EBI3: variants seen among roughly 807,000 people sequenced by gnomAD.
The protein encoded by EBI3 is interleukin-27 subunit beta.
A neutral mutation model predicts 21.3 loss-of-function variants in EBI3; 19 were observed. The ratio of observed to expected loss-of-function variants is 0.89; its 90% confidence interval spans 0.62 to 1.31. The LOEUF (loss-of-function observed/expected upper bound fraction) is 1.31. Among genes scored for constraint, EBI3 ranks in the 50% most tolerant of loss-of-function variants. EBI3 has a pLI of 0.00. For synonymous variants in EBI3, 154 were observed against 131.2 expected, an observed-to-expected ratio of 1.17 and a Z score of -1.19; for missense variants, 331 against 314.0, an observed-to-expected ratio of 1.05 and a Z score of -0.41.
chr19:4,231,349 AG>A, intron 2 of EBI3, 26 bp downstream of exon 2: 1 of 1,586,350 alleles, frequency 6.3e-7, no homozygotes, highest in Non-Finnish European at 8.5e-7. Context: ...AGGGGGCCTC[AG>A]GGACACTGGA....
intron 3 of EBI3, 128 bp from the exon 4 acceptor site, chr19:4,234,539 G>T (rs1970818862): frequency 4.2e-6 from 6 of 1,430,718 alleles, no homozygotes; most frequent in Non-Finnish European, 5.6e-6. Context: ...CTCCAGCCTG[G>T]GTGACAGAGT....
At position 4,237,105 on chromosome 19, in the gene EBI3, C is replaced by A; in HGVS notation, c.*17C>A. 6.7e-7 allele frequency: 1 copy of A among 1,489,626 alleles called. No individual in the cohort carries two copies. Among genetic ancestry groups the A allele is most frequent in the East Asian group, 2.6e-5 (1 of 38,956 alleles). The allele number at this position is 1,489,626 out of a possible 1,614,324, so 92.3% of individuals were successfully genotyped here. A position where few individuals can be genotyped will look rare whatever the true frequency, so the allele number is the denominator to read the frequency against. On this transcript the variant is annotated 3_prime_UTR_variant, in exon 5 of 5. Coordinates refer to ENST00000221847, the MANE Select transcript of EBI3 (RefSeq NM_005755.3). ...GGCAAGTAGCAAGGGCTTCCCGCTG[C>A]CTCCAGACAGCACCTGGGTCCTCGC...
chr19:4,231,770 CA>C (rs776262776), intron 2 of EBI3, among the ~76,000 whole-genome samples: 31,216 of 102,724 alleles, frequency 0.3, 3,842 homozygotes, highest in South Asian at 0.5. Context: ...GACTCCATCT[CA>C]AAAAAAAAAA....
intron 1 of EBI3, among the ~76,000 whole-genome samples, chr19:4,230,855 C>G (rs968244889): frequency 6.6e-6 from 1 of 151,336 alleles, no homozygotes; most frequent in Non-Finnish European, 1.5e-5. Context: ...CCAGCCTAGG[C>G]GACAGAGGGA....
At position 4,236,518 on chromosome 19, in the gene EBI3, C is replaced by CAAAAAAAAA. The variant is rs4009634; in HGVS notation, c.538-401_538-393dup. On this transcript the variant is annotated intron_variant, in intron 4 of 4. Coordinates refer to ENST00000221847, the MANE Select transcript of EBI3 (RefSeq NM_005755.3). Reference sequence around the variant, plus strand: ...CCTGGGCAACAGAGTAAGACTGTCTCAAAAAAAAAAAAAAAAAAAAAAAAA... The same window carrying CAAAAAAAAA: ...CCTGGGCAACAGAGTAAGACTGTCTCAAAAAAAAAAAAAAAAAAAAAAAAAAAAAAAAAA... Among the ~76,000 whole-genome samples the CAAAAAAAAA allele has an allele frequency of 5.0e-3, 151 of 30,504 alleles. 52 individuals are homozygous for CAAAAAAAAA. The highest frequency in any genetic ancestry group is 0.023 in the East Asian group (14 of 616). The allele number at this position is 30,504 out of a possible 152,430, so 20.0% of individuals were successfully genotyped here. A position where few individuals can be genotyped will look rare whatever the true frequency, so the allele number is the denominator to read the frequency against.
chr19:4,232,411 G>A (rs1393724274), intron 2 of EBI3, among the ~76,000 whole-genome samples: 1 of 149,570 alleles, frequency 6.7e-6, no homozygotes, highest in Non-Finnish European at 1.5e-5. Flanking sequence ...GCAATATCCT[G>A]TCTGTACTTA....
intron 1 of EBI3, 109 bp from the exon 2 acceptor site, chr19:4,231,082 C>T: frequency 7.2e-7 from 1 of 1,398,276 alleles, no homozygotes; most frequent in Non-Finnish European, 9.4e-7. Flanking sequence ...TTATTAGGCA[C>T]CTACCATGTA....
At position 4,237,118 on chromosome 19, in the gene EBI3, C is replaced by T. The variant is rs1484323195; in HGVS notation, c.*30C>T. The T allele has an allele frequency of 6.9e-7, 1 of 1,452,030 alleles. No individual in the cohort carries two copies. The highest frequency in any genetic ancestry group is 2.3e-5 in the Admixed American group (1 of 43,766). The allele number at this position is 1,452,030 out of a possible 1,614,324, so 89.9% of individuals were successfully genotyped here. Reference sequence around the variant, plus strand: ...GGCTTCCCGCTGCCTCCAGACAGCACCTGGGTCCTCGCCACCCTAAGCCCC... The same window carrying T: ...GGCTTCCCGCTGCCTCCAGACAGCATCTGGGTCCTCGCCACCCTAAGCCCC... On this transcript the variant is annotated 3_prime_UTR_variant, in exon 5 of 5. Transcript: ENST00000221847.
At chr19:4,233,985 A>G (rs1970814400) in intron 3 of EBI3, among the ~76,000 whole-genome samples, 1 of 152,000 alleles carries the variant, frequency 6.6e-6, no homozygotes, top group Non-Finnish European at 1.5e-5. Flanking sequence ...CAGGCCGATC[A>G]CCTGAGGTCA....
rs769376578 is a variant in EBI3 at position 4,237,031 on chromosome 19, C to T, written c.633C>T (p.Tyr211=). The part of the protein sequence containing the change: ...VQVAAQDLTD[Y]GELSDWSLPA... ...TGGCGGCTCAGGACCTCACAGACTA[C>T]GGGGAACTGAGTGACTGGAGTCTCC... is the stretch of plus-strand genomic sequence containing the variant. The change falls in exon 5 of 5, where the codon TAC becomes TAT. Residue 211 remains tyrosine (Y), a synonymous_variant. Coordinates refer to ENST00000221847, the MANE Select transcript of EBI3 (RefSeq NM_005755.3). 1.4e-5 allele frequency: 22 copies of T among 1,572,992 alleles called. No individual in the cohort carries two copies. The Admixed American group carries it at 1.6e-4, about 11-fold the overall frequency.
intron 4 of EBI3, among the ~76,000 whole-genome samples, chr19:4,236,562 G>A (rs1381518566): frequency 7.4e-6 from 1 of 134,238 alleles, no homozygotes; most frequent in East Asian, 2.4e-4. Flanking sequence ...AATATAGTGG[G>A]ACCAGGGGTA....
intron 1 of EBI3, among the ~76,000 whole-genome samples, chr19:4,230,911 G>A (rs77013010): frequency 0.056 from 8,448 of 151,820 alleles, 793 homozygotes; most frequent in African/African-American, 0.19. Flanking sequence ...GAGAGAACAC[G>A]GTAAAATCTC....
In EBI3 at chr19:4,234,707, C is replaced by G. The variant is rs529741207; in HGVS notation, c.420C>G (p.Leu140=). The change falls in exon 4 of 5, where the codon CTC becomes CTG. Residue 140 remains leucine, a synonymous_variant. Transcript: ENST00000221847. ...DPPEGVRLSP[L]AERQLQVQWE... ...CAGAAGGCGTGCGCCTAAGCCCCCT[C>G]GCTGAGCGCCAGCTACAGGTGCAGT... The G allele has an allele frequency of 1.9e-6, 3 of 1,614,028 alleles. No homozygotes were observed. Among genetic ancestry groups the G allele is most frequent in the Non-Finnish European group, 2.5e-6 (3 of 1,180,032 alleles).
intron 1 of EBI3, 119 bp downstream of exon 1, chr19:4,229,736 G>T: frequency 2.9e-6 from 3 of 1,038,698 alleles, no homozygotes; most frequent in Non-Finnish European, 4.2e-6. Context: ...GTGGGATGGG[G>T]TTACCCTCCC....
intron 1 of EBI3, 110 bp from the exon 2 acceptor site, chr19:4,231,081 A>C (rs1599486538): frequency 7.2e-7 from 1 of 1,393,010 alleles, no homozygotes; most frequent in South Asian, 1.7e-5. Flanking sequence ...TTTATTAGGC[A>C]CCTACCATGT....
At chr19:4,229,643 G>A (rs769972965) in intron 1 of EBI3, 26 bp downstream of exon 1, 7 of 1,588,736 alleles carry the variant, frequency 4.4e-6, no homozygotes, top group South Asian at 3.4e-5. Context: ...GGGGGACTGG[G>A]GGGCCCAGGC....
Position 4,233,020 on chromosome 19 carries a change from C to G in EBI3, c.201-109C>G, listed in dbSNP as rs1374474981. On this transcript the variant is annotated intron_variant, in intron 2 of 4. Transcript: ENST00000221847. ...CCCACCCCGGGATCCCCATCCGCTG[C>G]CCCCTCCTGTTCCTGCCTCTCCTTG... is the stretch of plus-strand genomic sequence containing the variant. The G allele has an allele frequency of 1.3e-5, 17 of 1,285,952 alleles. No individual in the cohort carries two copies. In the Admixed American group the frequency reaches 5.6e-4, roughly 43 times the overall value. 79.7% of individuals were successfully genotyped at this position (1,285,952 alleles called of 1,614,324 possible).
intron 2 of EBI3, among the ~76,000 whole-genome samples, 169 bp downstream of exon 2, chr19:4,231,492 A>G (rs1398856451): frequency 1.3e-5 from 2 of 152,142 alleles, no homozygotes; most frequent in Non-Finnish European, 2.9e-5. Flanking sequence ...TTTCTGGGCC[A>G]GGCACAGTGG....
Position 4,237,280 on chromosome 19 carries a change from G to A in EBI3, c.*192G>A, listed in dbSNP as rs1970849206. On this transcript the variant is annotated 3_prime_UTR_variant, in exon 5 of 5. Coordinates refer to ENST00000221847, the MANE Select transcript of EBI3 (RefSeq NM_005755.3). ...TCAGTTTCTCTAGCTGAGAAATGGA[G>A]ATGTACTACTCTCTCCTTTACCTTT... is the stretch of plus-strand genomic sequence containing the variant. 1 of 548,622 alleles carries A rather than the reference G, an allele frequency of 1.8e-6. No homozygotes were observed. Among genetic ancestry groups the A allele is most frequent in the South Asian group, 3.1e-5 (1 of 32,434 alleles). The allele number at this position is 548,622 out of a possible 1,614,324, so 34.0% of individuals were successfully genotyped here.
Sources: allele counts gnomAD v4.1 joint callset (sites outside exome capture counted in the v4.1 genomes callset), GRCh38; gene constraint gnomAD v4.1.1; transcripts MANE v1.5; gene names NCBI Gene and HGNC (gene_info 2026-07-23, HGNC 2026-07-21).